CARD10: variants seen among roughly 807,000 people sequenced by gnomAD.
CARD10 encodes the protein caspase recruitment domain family member 10.
A neutral mutation model predicts 114.6 loss-of-function variants in CARD10; 49 were observed. The observed-to-expected ratio is 0.43, with a 90% CI of 0.34 to 0.54. The LOEUF is 0.54. CARD10 is among the 20% of genes least tolerant of loss of function. The pLI, the probability that CARD10 is intolerant of heterozygous loss-of-function variation, is 0.03. For synonymous variants in CARD10, 602 were observed against 593.2 expected (o/e 1.01, Z -0.21); for missense variants, 1,206 against 1,397.2 (o/e 0.86, Z 2.18).
At chr22:37,495,208 C>T (rs1023532654) in intron 15 of CARD10, among the ~76,000 whole-genome samples, 4 of 152,148 alleles carry the variant, frequency 2.6e-5, no homozygotes, top group East Asian at 1.9e-4. Flanking sequence ...CCTTGTGATC[C>T]GCCCACCTCG....
rs773528539 is a variant in CARD10 at position 37,507,868 on chromosome 22, G to A, written c.1152C>T (p.Val384=). The A allele has an allele frequency of 3.7e-6, 6 of 1,614,086 alleles. No individual in the cohort carries two copies. The East Asian group carries it at 1.1e-4, about 30-fold the overall frequency. ...CDLYKHRMAT[V]LAQLEEIEKE... ...TCTCAATCTCCTCCAGTTGGGCCAG[G>A]ACAGTGGCCATGCGGTGCTTGTACA... is the stretch of plus-strand genomic sequence containing the variant. The change falls in exon 6 of 20, where the codon GTC becomes GTT. Residue 384 remains valine (V), a synonymous_variant. Coordinates refer to ENST00000251973, the MANE Select transcript of CARD10 (RefSeq NM_014550.4).
In CARD10 at chr22:37,503,166, G is replaced by A. The variant is rs377144447; in HGVS notation, c.1663+19C>T. ...CCCCGACCAGAGGAGCCCTCCCCAC[G>A]GAACTCAAGGGCTGTTACCTGTGAT... is the stretch of plus-strand genomic sequence containing the variant. On this transcript the variant is annotated intron_variant, in intron 10 of 19. Transcript: ENST00000251973. 21 of 1,609,920 alleles carry A rather than the reference G, an allele frequency of 1.3e-5. No homozygotes were observed. Among genetic ancestry groups the A allele is most frequent in the South Asian group, 4.4e-5 (4 of 90,292 alleles).
intron 3 of CARD10, among the ~76,000 whole-genome samples, chr22:37,515,534 G>C (rs1293433305): frequency 1.4e-5 from 2 of 141,098 alleles, no homozygotes; most frequent in African/African-American, 5.5e-5. Flanking sequence ...CTGCACTCCA[G>C]CCTGGGCAAC....
At chr22:37,516,618 A>G (rs1252444024) in intron 2 of CARD10, among the ~76,000 whole-genome samples, 2 of 152,228 alleles carry the variant, frequency 1.3e-5, no homozygotes, top group Non-Finnish European at 2.9e-5. Context: ...CTACAAATCA[A>G]TAAGATCAAC....
In CARD10 at chr22:37,510,413, C is replaced by T. The variant is rs1279999669; in HGVS notation, c.708G>A (p.Gln236=). 1 of 1,613,556 alleles carries T rather than the reference C, an allele frequency of 6.2e-7. No individual in the cohort carries two copies. The highest frequency in any genetic ancestry group is 1.1e-5 in the South Asian group (1 of 91,078). The change falls in exon 4 of 20, where the codon CAG becomes CAA. Residue 236 remains glutamine, a synonymous_variant. Transcript: ENST00000251973. ...RSRDLQLAVD[Q]LKLKVSRLEE... is the part of the protein sequence containing the mutation. ...CCAGCCGACTCACTTTGAGCTTGAG[C>T]TGATCCACCTGGAGCCCAAGACATG... is the stretch of plus-strand genomic sequence containing the variant.
At position 37,496,351 on chromosome 22, in the gene CARD10, TG is replaced by T; in HGVS notation, c.2059+97del. ...AGGAGAAGGGCAATTGGGGCAAGGC[TG>T]GTCCCTTCTCAGGTCCTTGGTCCCT... is the stretch of plus-strand genomic sequence containing the variant. On this transcript the variant is annotated intron_variant, in intron 13 of 19. Coordinates refer to ENST00000251973, the MANE Select transcript of CARD10 (RefSeq NM_014550.4). The surrounding 1 kb of genome is among the most constrained non-coding windows in gnomAD (Gnocchi z 4.1). The T allele has an allele frequency of 2.4e-6, 2 of 842,574 alleles. No individual in the cohort carries two copies. Among genetic ancestry groups the T allele is most frequent in the Non-Finnish European group, 3.8e-6 (2 of 531,130 alleles). The allele number at this position is 842,574 out of a possible 1,614,324, so 52.2% of individuals were successfully genotyped here. A position where few individuals can be genotyped will look rare whatever the true frequency, so the allele number is the denominator to read the frequency against.
Position 37,502,698 on chromosome 22 carries a change from G to A in CARD10, c.1691C>T (p.Pro564Leu), listed in dbSNP as rs1333595605. 1.2e-6 allele frequency: 2 copies of A among 1,613,662 alleles called. No homozygotes were observed. Among genetic ancestry groups the A allele is most frequent in the Non-Finnish European group, 1.7e-6 (2 of 1,179,860 alleles). The stretch of plus-strand genomic sequence containing the variant: ...AGAGGATGAGGACGAAGAGAGGCCA[G>A]GGGACCAGGGCTTAAGTGTCACACT... Reference protein sequence around the residue: ...TGSVTLKPWSPGLSSSSSSDS... With the variant: ...TGSVTLKPWSLGLSSSSSSDS... The change falls in exon 11 of 20, where the codon CCT becomes CTT. Residue 564 changes from proline (P) to leucine (L), a missense_variant. Pro to Leu is a moderately conservative substitution (Grantham distance 98). Coordinates refer to ENST00000251973, the MANE Select transcript of CARD10 (RefSeq NM_014550.4).
In CARD10 at chr22:37,518,069, C is replaced by G. The variant is rs1177830881; in HGVS notation, c.275G>C (p.Gly92Ala). The change falls in exon 2 of 20, where the codon GGC becomes GCC. Residue 92 changes from glycine (G) to alanine (A), a missense_variant. Physicochemically the swap from Gly to Ala is moderately conservative, Grantham distance 60. Coordinates refer to ENST00000251973, the MANE Select transcript of CARD10 (RefSeq NM_014550.4). ...CAGGGCTTCCAGGAAGGCCTCATAG[C>G]CCCTCTTGCCACGGCAGCGCAAGAT... ...MDILRCRGKR[G>A]YEAFLEALEF... The G allele has an allele frequency of 1.9e-6, 3 of 1,613,862 alleles. No homozygotes were observed. In the South Asian group the frequency reaches 3.3e-5, roughly 18 times the overall value.
At chr22:37,494,269 ACAGCGGGCCCCACTG>A (rs1446925639) in intron 15 of CARD10, 81 bp from the exon 16 acceptor site, 15 of 938,704 alleles carry the variant, frequency 1.6e-5, no homozygotes, top group Middle Eastern at 6.4e-4. Flanking sequence ...GACCCCTGGC[ACAGCGGGCCCCACTG>A]CCACTGTGGT....
intron 2 of CARD10, among the ~76,000 whole-genome samples, chr22:37,517,570 A>G (rs1923881770): frequency 6.6e-6 from 1 of 152,102 alleles, no homozygotes; most frequent in Non-Finnish European, 1.5e-5. Context: ...TGAACCTGGG[A>G]GGCGGAGGTT....
Position 37,491,737 on chromosome 22 carries a change from CCCA to C in CARD10, c.2864+15_2864+17del. The C allele has an allele frequency of 8.9e-7, 1 of 1,129,376 alleles. No individual in the cohort carries two copies. Among genetic ancestry groups the C allele is most frequent in the Non-Finnish European group, 1.3e-6 (1 of 753,326 alleles). The allele number at this position is 1,129,376 out of a possible 1,614,324, so 70.0% of individuals were successfully genotyped here. Reference sequence around the variant, plus strand: ...CAGGTCCGAGTGCCCTGCCCACTGCCCCACCCACCCACCTCACCTGACTTCCCG... The same window carrying C: ...CAGGTCCGAGTGCCCTGCCCACTGCCCCCACCCACCTCACCTGACTTCCCG... On this transcript the variant is annotated intron_variant, in intron 19 of 19. Transcript: ENST00000251973.
chr22:37,508,415 T>G, intron 5 of CARD10, 112 bp downstream of exon 5: 1 of 1,162,186 alleles, frequency 8.6e-7, no homozygotes, highest in Non-Finnish European at 1.2e-6. Context: ...AACAAATGAA[T>G]GCAGTTCTCA....
chr22:37,490,569 CAG>C lies in CARD10; in HGVS notation c.*588_*589del, dbSNP rs557069898. On this transcript the variant is annotated 3_prime_UTR_variant, in exon 20 of 20. Transcript: ENST00000251973. The stretch of plus-strand genomic sequence containing the variant: ...CACACGTGTTAGTGCCCACATGAAA[CAG>C]GGGTGGGGCGTGACATTTACACAGG... 3.3e-4 allele frequency: 50 copies of C among 152,456 alleles called. No homozygotes were observed. In the South Asian group the frequency reaches 7.9e-3, roughly 24 times the overall value. 9.4% of individuals were successfully genotyped at this position (152,456 alleles called of 1,614,324 possible).
At chr22:37,504,161 C>G in intron 9 of CARD10, 25 bp downstream of exon 9, 1 of 1,493,270 alleles carries the variant, frequency 6.7e-7, no homozygotes, top group Non-Finnish European at 9.1e-7. Flanking sequence ...CCCTGGGTGT[C>G]TACTGCTATC....
chr22:37,512,745 C>T (rs953044703), intron 3 of CARD10, among the ~76,000 whole-genome samples: 1 of 152,164 alleles, frequency 6.6e-6, no homozygotes, highest in Non-Finnish European at 1.5e-5. Flanking sequence ...CCTGGCCAGC[C>T]GGCTTCCCTG....
At position 37,492,670 on chromosome 22, in the gene CARD10, C is replaced by T. The variant is rs377599502; in HGVS notation, c.2609G>A (p.Arg870Gln). 5.0e-6 allele frequency: 8 copies of T among 1,612,880 alleles called. No individual in the cohort carries two copies. The highest frequency in any genetic ancestry group is 4.0e-5 in the African/African-American group (3 of 74,914). The change falls in exon 17 of 20, where the codon CGG becomes CAG. Residue 870 changes from arginine to glutamine, a missense_variant. Arg to Gln is a conservative substitution (Grantham distance 43, BLOSUM62 1). Coordinates refer to ENST00000251973, the MANE Select transcript of CARD10 (RefSeq NM_014550.4). The surrounding 1 kb of genome is among the most constrained non-coding windows in gnomAD (Gnocchi z 5.7). ...IRNLLDLPSS[R>Q]LDFQVCPAES... ...CGCTGGGCACACTTGGAAGTCCAGC[C>T]GGGAGCTGGGCAGGTCTAGCAGGTT...
At chr22:37,506,955 C>T (rs1050722726) in intron 6 of CARD10, among the ~76,000 whole-genome samples, 1 of 152,216 alleles carries the variant, frequency 6.6e-6, no homozygotes, top group Admixed American at 6.5e-5. Flanking sequence ...CACTTTCAAG[C>T]TTGCCAGGGG....
Position 37,508,572 on chromosome 22 carries a change from A to C in CARD10, c.1020T>G (p.His340Gln). 1 of 1,597,964 alleles carries C rather than the reference A, an allele frequency of 6.3e-7. No individual in the cohort carries two copies. Among genetic ancestry groups the C allele is most frequent in the Non-Finnish European group, 8.5e-7 (1 of 1,177,766 alleles). ...DSRQELCQKL[H>Q]AVQGELQWAE... is the part of the protein sequence containing the mutation. Reference sequence around the variant, plus strand: ...CCCACTGCAGCTCCCCCTGCACGGCATGCAGCTTCTGGCACAGCTCCTGCC... The same window carrying C: ...CCCACTGCAGCTCCCCCTGCACGGCCTGCAGCTTCTGGCACAGCTCCTGCC... Residue 340 changes from histidine (H) to glutamine (Q), a missense_variant, in exon 5 of 20, where the codon CAT becomes CAG. By Grantham distance (24) the His-to-Gln change is conservative. Coordinates refer to ENST00000251973, the MANE Select transcript of CARD10 (RefSeq NM_014550.4).
intron 3 of CARD10, among the ~76,000 whole-genome samples, chr22:37,511,332 T>G (rs1601817836): frequency 8.2e-6 from 1 of 122,268 alleles, no homozygotes; most frequent in Non-Finnish European, 1.6e-5. Flanking sequence ...CACTCCAGCC[T>G]GGGCAACAGA....
Sources: gnomAD v4.1 joint callset for allele counts (sites outside exome capture counted in the v4.1 genomes callset) on GRCh38, gnomAD v4.1.1 for gene constraint, Gnocchi (gnomAD v3.1) non-coding constraint, MANE v1.5 for transcripts, NCBI Gene and HGNC (gene_info 2026-07-23, HGNC 2026-07-21) for gene names.